The following CDH8 variants were observed in gnomAD, a reference collection of about 807,000 sequenced individuals.
CDH8 encodes cadherin 8.
A neutral mutation model predicts 68.1 loss-of-function variants in CDH8; 17 were observed. The ratio of observed to expected loss-of-function variants is 0.25; its 90% CI spans 0.17 to 0.37. The LOEUF is 0.37. Ranked by LOEUF, CDH8 falls within the 10% of genes least tolerant of loss-of-function variation. The pLI is 1.00. For missense variants in CDH8, 763 were observed against 999.3 expected, an observed-to-expected ratio of 0.76 and a Z score of 3.19; for synonymous variants, 372 against 365.1, an observed-to-expected ratio of 1.02 and a Z score of -0.21.
At chr16:61,658,631 G>A (rs936116182) in intron 10 of CDH8, among the ~76,000 whole-genome samples, 27 of 151,970 alleles carry the variant, frequency 1.8e-4, no homozygotes, top group African/African-American at 5.5e-4. Context: ...TGTTTCTTAT[G>A]TATGAAAACT....
In CDH8 at chr16:61,821,092, G is replaced by C. The variant is rs201768054; in HGVS notation, c.857C>G (p.Pro286Arg). Residue 286 changes from proline (P) to arginine (R), a missense_variant, in exon 6 of 12, where the codon CCG becomes CGG. Pro to Arg is a moderately radical substitution (Grantham distance 103). Around this residue, in one of 2 missense-constraint regions of CDH8, gnomAD observed 366 missense variants for 563.1 expected, o/e 0.65. Coordinates refer to ENST00000577390, the MANE Select transcript of CDH8 (RefSeq NM_001796.5). ...FAQSLYHFSVPEDVVLGTAIG... is the reference protein window; with the variant it reads ...FAQSLYHFSVREDVVLGTAIG... The stretch of plus-strand genomic sequence containing the variant: ...TGCAGTGCCAAGAACCACATCTTCC[G>C]GTACTGAGAAGTGATACAGGCCTTT... 4 of 1,611,344 alleles carry C rather than the reference G, an allele frequency of 2.5e-6. No homozygotes were observed. The East Asian group carries it at 8.9e-5, about 36-fold the overall frequency.
rs8047280 is a variant in CDH8, at chr16:62,028,687, G to A, written c.-199-7085C>T. 8.6e-3 allele frequency among the ~76,000 whole-genome samples: 1,311 copies of A among 151,562 alleles called. 18 individuals are homozygous for A. Among genetic ancestry groups the A allele is most frequent in the African/African-American group, 0.029 (1,218 of 41,292 alleles). ...CATCAGTTTAGTTAAGATATTGAGA[G>A]TAATTTTCTTCTGTTGGGCTTTTTA... is the stretch of plus-strand genomic sequence containing the variant. On this transcript the variant is annotated intron_variant, in intron 1 of 11. Coordinates refer to ENST00000577390, the MANE Select transcript of CDH8 (RefSeq NM_001796.5).
chr16:61,711,095 A>G (rs1964622915), intron 10 of CDH8, among the ~76,000 whole-genome samples: 1 of 151,890 alleles, frequency 6.6e-6, no homozygotes, highest in African/African-American at 2.4e-5. Flanking sequence ...TTGCTTTCCT[A>G]TTCTGGCAGA....
intron 7 of CDH8, among the ~76,000 whole-genome samples, chr16:61,810,881 G>A (rs911400151): frequency 3.9e-5 from 6 of 151,936 alleles, no homozygotes; most frequent in Non-Finnish European, 5.9e-5. Flanking sequence ...AAAATTAGCC[G>A]GGTATGGTGG....
intron 2 of CDH8, among the ~76,000 whole-genome samples, chr16:61,911,507 A>C (rs1325099313): frequency 6.6e-6 from 1 of 152,144 alleles, no homozygotes; most frequent in Non-Finnish European, 1.5e-5. Context: ...CTTATTTTGC[A>C]CTAAAGCAGG....
intron 1 of CDH8, among the ~76,000 whole-genome samples, chr16:62,028,049 T>C (rs1483016340): frequency 6.6e-6 from 1 of 151,294 alleles, no homozygotes; most frequent in African/African-American, 2.4e-5. Flanking sequence ...CAGAATAATA[T>C]CTGTCAAATC....
chr16:61,695,971 TG>T (rs1964318092), intron 10 of CDH8, among the ~76,000 whole-genome samples: 1 of 152,084 alleles, frequency 6.6e-6, no homozygotes, highest in Non-Finnish European at 1.5e-5. Context: ...TAGCAGATCT[TG>T]ATATAAAAAA....
At chr16:61,830,775 T>G (rs926617903) in intron 4 of CDH8, among the ~76,000 whole-genome samples, 15 of 151,840 alleles carry the variant, frequency 9.9e-5, no homozygotes. Flanking sequence ...CTGAAGCAAT[T>G]AGTAAAATTC....
At chr16:61,963,819 A>G (rs1308535017) in intron 2 of CDH8, among the ~76,000 whole-genome samples, 1 of 152,230 alleles carries the variant, frequency 6.6e-6, no homozygotes, top group Non-Finnish European at 1.5e-5. Context: ...ATCTTCTAAC[A>G]TGTCAGACAT....
chr16:61,973,487 G>A (rs939116611), intron 2 of CDH8, among the ~76,000 whole-genome samples: 1 of 152,174 alleles, frequency 6.6e-6, no homozygotes, highest in African/African-American at 2.4e-5. Flanking sequence ...GAGGGTCTAT[G>A]CCCCTAACTC....
At chr16:61,960,667 C>A (rs1965138528) in intron 2 of CDH8, among the ~76,000 whole-genome samples, 1 of 152,094 alleles carries the variant, frequency 6.6e-6, no homozygotes, top group Non-Finnish European at 1.5e-5. Flanking sequence ...GCTGTTCCCC[C>A]TTTTTCATTC....
rs1201762708 is a variant in CDH8, at chr16:61,953,406, C to T, written c.253-51933G>A. On this transcript the variant is annotated intron_variant, in intron 2 of 11. Coordinates refer to ENST00000577390, the MANE Select transcript of CDH8 (RefSeq NM_001796.5). The stretch of plus-strand genomic sequence containing the variant: ...ACACTATTAATTTATTTCTTGCTCA[C>T]CATGAAATACATTTTAAAATAACTT... Among the ~76,000 whole-genome samples, 3 of 151,986 alleles carry T rather than the reference C, an allele frequency of 2.0e-5. No homozygotes were observed. The East Asian group carries it at 5.8e-4, about 29-fold the overall frequency.
At chr16:61,878,961 G>A (rs1216129183) in intron 3 of CDH8, among the ~76,000 whole-genome samples, 3 of 152,018 alleles carry the variant, frequency 2.0e-5, no homozygotes, top group Admixed American at 6.6e-5. Context: ...TTTACAACAG[G>A]CTATTTTAAG....
chr16:61,761,071 T>C (rs141532182), intron 8 of CDH8, among the ~76,000 whole-genome samples: 2 of 152,324 alleles, frequency 1.3e-5, no homozygotes, highest in East Asian at 3.9e-4. Context: ...GATTTTCTTA[T>C]AACATTTCAC....
chr16:61,968,406 A>C (rs1023079508), intron 2 of CDH8, among the ~76,000 whole-genome samples: 2 of 152,160 alleles, frequency 1.3e-5, no homozygotes, highest in African/African-American at 4.8e-5. Context: ...AGGTTCTCTC[A>C]AAAGCTGTGA....
intron 1 of CDH8, among the ~76,000 whole-genome samples, chr16:62,028,902 C>A (rs1048912825): frequency 6.6e-6 from 1 of 152,170 alleles, no homozygotes; most frequent in Non-Finnish European, 1.5e-5. Flanking sequence ...AGCCAGAGAC[C>A]TACTGAGTGA....
chr16:61,956,972 C>T (rs1160842512), intron 2 of CDH8, among the ~76,000 whole-genome samples: 1 of 152,164 alleles, frequency 6.6e-6, no homozygotes, highest in Non-Finnish European at 1.5e-5. Context: ...TCATTAAGAA[C>T]ATTAGATGTA....
At chr16:61,823,897 AT>A in intron 5 of CDH8, among the ~76,000 whole-genome samples, 1 of 151,938 alleles carries the variant, frequency 6.6e-6, no homozygotes. Context: ...CTTTTGTTTT[AT>A]TATTGACTAT....
chr16:61,686,809 A>T (rs2142818707), intron 10 of CDH8, among the ~76,000 whole-genome samples: 1 of 152,022 alleles, frequency 6.6e-6, no homozygotes, highest in African/African-American at 2.4e-5. Flanking sequence ...GGTTAGCAGT[A>T]TGTGTTTGGA....
Sources: allele counts gnomAD v4.1 joint callset (sites outside exome capture counted in the v4.1 genomes callset), GRCh38; gene constraint gnomAD v4.1.1; regional missense constraint gnomAD v4.1.1; transcripts MANE v1.5; gene names NCBI Gene and HGNC (gene_info 2026-07-23, HGNC 2026-07-21).